The following DGKD variants were observed in gnomAD, a reference collection of about 807,000 sequenced individuals.
DGKD encodes diacylglycerol kinase delta, also known as DAG kinase delta.
Under a neutral mutation model 154.4 loss-of-function variants are expected in DGKD, and 68 were observed. That is an observed-to-expected ratio of 0.44 (90% CI 0.36 to 0.54). The LOEUF is 0.54. Ranked by LOEUF, DGKD falls within the 20% of genes least tolerant of loss-of-function variation. The probability of loss-of-function intolerance (pLI) is 0.00; values close to 1 mark genes in which losing one functional copy is unlikely to be tolerated. For missense variants in DGKD, 1,343 were observed against 1,593.6 expected, an observed-to-expected ratio of 0.84 and a Z score of 2.68; for synonymous variants, 693 against 638.0, an observed-to-expected ratio of 1.09 and a Z score of -1.30.
At position 233,438,171 on chromosome 2, in the gene DGKD, G is replaced by T; in HGVS notation, c.923-46G>T. On this transcript the variant is annotated intron_variant, in intron 8 of 29. Transcript: ENST00000264057. The surrounding 1 kb of genome is among the most constrained non-coding windows in gnomAD (Gnocchi z 4.1). Reference sequence around the variant, plus strand: ...TGATTCCATCAGTGGTGCCCTCAGCGTCTTCCGTGGCCTATATATTTTCTT... The same window carrying T: ...TGATTCCATCAGTGGTGCCCTCAGCTTCTTCCGTGGCCTATATATTTTCTT... 2 of 1,598,970 alleles carry T rather than the reference G, an allele frequency of 1.3e-6. No individual in the cohort carries two copies. The highest frequency in any genetic ancestry group is 2.7e-5 in the African/African-American group (2 of 74,634).
At chr2:233,428,627 A>G (rs2062397061) in intron 3 of DGKD, among the ~76,000 whole-genome samples, 1 of 152,228 alleles carries the variant, frequency 6.6e-6, no homozygotes, top group South Asian at 2.1e-4. Context: ...AGGGCGGAGA[A>G]GCACCTGCTC....
At chr2:233,461,424 C>A (rs935449242) in intron 24 of DGKD, among the ~76,000 whole-genome samples, 5 of 152,248 alleles carry the variant, frequency 3.3e-5, no homozygotes, top group African/African-American at 1.2e-4. Flanking sequence ...AGCAGGTGGT[C>A]GCTGTCCCAG....
chr2:233,384,954 C>G (rs985744423), intron 1 of DGKD, among the ~76,000 whole-genome samples: 1 of 152,184 alleles, frequency 6.6e-6, no homozygotes, highest in African/African-American at 2.4e-5. Context: ...TGCCCCACAT[C>G]CCAGAGCACT....
At chr2:233,424,619 G>A (rs1289927238) in intron 3 of DGKD, among the ~76,000 whole-genome samples, 1 of 152,186 alleles carries the variant, frequency 6.6e-6, no homozygotes, top group Non-Finnish European at 1.5e-5. Context: ...GCCCTGGTGT[G>A]AGGCACCACC....
chr2:233,449,777 C>T lies in DGKD; in HGVS notation c.1889-205C>T, dbSNP rs2063209348. ...TCCCCTGCAAGGGTTCCAGACCTCCCAGCCTGTTAGCAGGGACGCCCTGCC... is the reference window on the plus strand; with the variant it reads ...TCCCCTGCAAGGGTTCCAGACCTCCTAGCCTGTTAGCAGGGACGCCCTGCC... On this transcript the variant is annotated intron_variant, in intron 15 of 29. Coordinates refer to ENST00000264057, the MANE Select transcript of DGKD (RefSeq NM_152879.3). This position sits in a 1 kb window ranked among gnomAD's most constrained non-coding sequence, Gnocchi z 5.3. 1.3e-5 allele frequency among the ~76,000 whole-genome samples: 2 copies of T among 152,154 alleles called. No individual in the cohort carries two copies. The highest frequency in any genetic ancestry group is 4.1e-4 in the South Asian group (2 of 4,832).
At chr2:233,397,062 T>G (rs1174724581) in intron 3 of DGKD, among the ~76,000 whole-genome samples, 7 of 82,344 alleles carry the variant, frequency 8.5e-5, no homozygotes, top group Non-Finnish European at 9.6e-5. Flanking sequence ...GGGACCAGGG[T>G]GGCTGGCAGA....
chr2:233,438,650 C>A lies in DGKD; in HGVS notation c.1085+271C>A, dbSNP rs2062778770. Among the ~76,000 whole-genome samples, 1 of 152,206 alleles carries A rather than the reference C, an allele frequency of 6.6e-6. No individual in the cohort carries two copies. ...TGCATCTTTTGAGCCAATCAGGATTCTTCTTTACCTGCCGTTGCACAAATG... is the reference window on the plus strand; with the variant it reads ...TGCATCTTTTGAGCCAATCAGGATTATTCTTTACCTGCCGTTGCACAAATG... On this transcript the variant is annotated intron_variant, in intron 9 of 29. Transcript: ENST00000264057. This position sits in a 1 kb window ranked among gnomAD's most constrained non-coding sequence, Gnocchi z 4.1.
In DGKD at chr2:233,410,544, T is replaced by C. The variant is rs542457032; in HGVS notation, c.348+20061T>C. On this transcript the variant is annotated intron_variant, in intron 3 of 29. Coordinates refer to ENST00000264057, the MANE Select transcript of DGKD (RefSeq NM_152879.3). ...TTGTTTTTCCCAAATCCCTAAGTGC[T>C]GATTTCTCCAGGGCAGTACACAACC... Among the ~76,000 whole-genome samples the C allele has an allele frequency of 3.3e-5, 5 of 152,352 alleles. No homozygotes were observed. The South Asian group carries it at 1.0e-3, about 32-fold the overall frequency.
In DGKD at chr2:233,388,164, A is replaced by G. The variant is rs563971046; in HGVS notation, c.157-93A>G. ...GAAATATTTTCTGTTAGAGACACGA[A>G]TATGTTTCAGCCGCAACAGGCTGCG... On this transcript the variant is annotated intron_variant, in intron 1 of 29. Coordinates refer to ENST00000264057, the MANE Select transcript of DGKD (RefSeq NM_152879.3). 71 of 1,562,102 alleles carry G rather than the reference A, an allele frequency of 4.5e-5. No individual in the cohort carries two copies. In the African/African-American group the frequency reaches 9.0e-4, roughly 20 times the overall value.
chr2:233,388,647 A>ATCT (rs1553624393), intron 2 of DGKD: 4 of 266,338 alleles, frequency 1.5e-5, no homozygotes, highest in African/African-American at 2.2e-5. Context: ...ACAGCTGGAT[A>ATCT]TCTCTCTCTC....
At position 233,468,902 on chromosome 2, in the gene DGKD, G is replaced by A. The variant is rs114997267; in HGVS notation, c.3555+349G>A. Among the ~76,000 whole-genome samples, 1,019 of 152,330 alleles carry A rather than the reference G, an allele frequency of 6.7e-3. 9 individuals carry two copies. Among genetic ancestry groups the A allele is most frequent in the African/African-American group, 0.023 (972 of 41,568 alleles). On this transcript the variant is annotated intron_variant, in intron 29 of 29. Transcript: ENST00000264057. Reference sequence around the variant, plus strand: ...TGCTCCTGGGCGGGTGCTGCCACTCGTCTGCAGGGAGCATTGGGAGGGGTG... The same window carrying A: ...TGCTCCTGGGCGGGTGCTGCCACTCATCTGCAGGGAGCATTGGGAGGGGTG...
At chr2:233,382,155 A>G (rs935940931) in intron 1 of DGKD, among the ~76,000 whole-genome samples, 5 of 152,126 alleles carry the variant, frequency 3.3e-5, no homozygotes, top group Non-Finnish European at 5.9e-5. Context: ...AATTGCTTGA[A>G]CCTGGGAGGC....
chr2:233,363,315 A>T (rs1281209067), intron 1 of DGKD, among the ~76,000 whole-genome samples: 1 of 152,212 alleles, frequency 6.6e-6, no homozygotes, highest in Non-Finnish European at 1.5e-5. Flanking sequence ...TTAGTTTTTA[A>T]CAAAAATATT....
rs190156152 is a variant in DGKD at position 233,453,281 on chromosome 2, A to T, written c.2264+1221A>T. Among the ~76,000 whole-genome samples the T allele has an allele frequency of 1.8e-4, 27 of 151,994 alleles. No homozygotes were observed. In the East Asian group the frequency reaches 4.1e-3, roughly 23 times the overall value. On this transcript the variant is annotated intron_variant, in intron 18 of 29. Transcript: ENST00000264057. The stretch of plus-strand genomic sequence containing the variant: ...TAGCTGGGCCTGAGCAGCCCCTGGT[A>T]CCCTGTCCTCTCCCACTGCCCCAGC...
At chr2:233,442,238 C>A in intron 10 of DGKD, 2 of 630,156 alleles carry the variant, frequency 3.2e-6, no homozygotes, top group Non-Finnish European at 3.0e-6. Context: ...AAGGGAGCTA[C>A]GAAAAGAATT....
At chr2:233,388,575 C>T (rs995179905) in intron 2 of DGKD, 1 of 475,802 alleles carries the variant, frequency 2.1e-6, no homozygotes, top group African/African-American at 2.0e-5. Context: ...GTTCATTTTC[C>T]TTTTCTTTAA....
intron 1 of DGKD, among the ~76,000 whole-genome samples, chr2:233,364,080 A>T (rs1367737190): frequency 6.6e-6 from 1 of 152,236 alleles, no homozygotes; most frequent in Non-Finnish European, 1.5e-5. Flanking sequence ...ACAGAGCGAG[A>T]CTTTGCTTCT....
intron 3 of DGKD, among the ~76,000 whole-genome samples, chr2:233,401,952 G>A (rs1256135840): frequency 3.2e-5 from 4 of 126,356 alleles, no homozygotes; most frequent in African/African-American, 8.8e-5. Context: ...AAAAAAGCAA[G>A]CACTATAAAC....
chr2:233,462,629 C>G lies in DGKD; in HGVS notation c.3094-14C>G, dbSNP rs778905682. On this transcript the variant is annotated splice_polypyrimidine_tract_variant and intron_variant, in intron 25 of 29. Coordinates refer to ENST00000264057, the MANE Select transcript of DGKD (RefSeq NM_152879.3). ...GCCCCCCGCCCCCATGCATATTTGC[C>G]TGGTTTCTTCTAGGGGCTCAACTGC... 3.1e-6 allele frequency: 5 copies of G among 1,613,094 alleles called. No individual in the cohort carries two copies. Among genetic ancestry groups the G allele is most frequent in the Admixed American group, 1.7e-5 (1 of 60,008 alleles).
Sources: allele counts gnomAD v4.1 joint callset (sites outside exome capture counted in the v4.1 genomes callset), GRCh38; gene constraint gnomAD v4.1.1; non-coding constraint Gnocchi (gnomAD v3.1); transcripts MANE v1.5; gene names NCBI Gene and HGNC (gene_info 2026-07-23, HGNC 2026-07-21).